Variants in BMAL1 observed in about 807,000 individuals in gnomAD.
BMAL1 encodes basic helix-loop-helix ARNT like 1.
At chr11:13,354,212 C>CCCCCA in the BMAL1 span, 1 of 1,156,830 alleles carries the variant, frequency 8.6e-7, no homozygotes, top group Non-Finnish European at 1.2e-6. Context: ...CCCCCACCAC[C>CCCCCA]AAACCCCCAA....
the BMAL1 span, among the ~76,000 whole-genome samples, chr11:13,287,439 A>G: frequency 1.3e-5 from 2 of 152,198 alleles, no homozygotes; most frequent in African/African-American, 4.8e-5. Context: ...GCCTTCTTGG[A>G]TGCTGGAATA....
the BMAL1 span, among the ~76,000 whole-genome samples, chr11:13,321,946 A>G: frequency 1.2e-4 from 19 of 152,064 alleles, no homozygotes; most frequent in Non-Finnish European, 2.4e-4. Context: ...CTCCAGAACT[A>G]CTAGATTGTG....
At chr11:13,371,330 G>A in the BMAL1 span, among the ~76,000 whole-genome samples, 6 of 151,274 alleles carry the variant, frequency 4.0e-5, no homozygotes, top group African/African-American at 1.2e-4. Flanking sequence ...ACCCAATCCA[G>A]AAAAGTTAGA....
At chr11:13,385,113 G>T in the BMAL1 span, among the ~76,000 whole-genome samples, 1 of 152,166 alleles carries the variant, frequency 6.6e-6, no homozygotes, top group Non-Finnish European at 1.5e-5. Context: ...CCAGGGGAAG[G>T]CAGCTGGGGT....
At chr11:13,323,702 C>T in the BMAL1 span, among the ~76,000 whole-genome samples, 6 of 152,134 alleles carry the variant, frequency 3.9e-5, no homozygotes, top group African/African-American at 4.8e-5. Flanking sequence ...CTGCAACCTC[C>T]GCCTCCCGGG....
At chr11:13,340,287 A>C in the BMAL1 span, among the ~76,000 whole-genome samples, 1 of 152,172 alleles carries the variant, frequency 6.6e-6, no homozygotes, top group Admixed American at 6.5e-5. Context: ...TCCCTGGGGC[A>C]GCCCACCCCT....
At chr11:13,371,426 T>C in the BMAL1 span, among the ~76,000 whole-genome samples, 1 of 152,182 alleles carries the variant, frequency 6.6e-6, no homozygotes, top group Admixed American at 6.5e-5. Context: ...CCTGCTTTCT[T>C]TCTCTGCTCC....
the BMAL1 span, among the ~76,000 whole-genome samples, chr11:13,344,002 A>G: frequency 1.3e-5 from 2 of 152,130 alleles, no homozygotes; most frequent in African/African-American, 4.8e-5. Flanking sequence ...GAATTTGGGT[A>G]CCCAAGGGCC....
the BMAL1 span, among the ~76,000 whole-genome samples, chr11:13,377,675 G>A: frequency 6.6e-6 from 1 of 152,076 alleles, no homozygotes; most frequent in African/African-American, 2.4e-5. Flanking sequence ...TCGTTAGTAC[G>A]GCATCCAAGA....
At chr11:13,331,572 C>G in the BMAL1 span, among the ~76,000 whole-genome samples, 1 of 152,170 alleles carries the variant, frequency 6.6e-6, no homozygotes, top group Non-Finnish European at 1.5e-5. Context: ...GAGTACCCTG[C>G]CCTTTTCTGG....
At chr11:13,292,905 C>T in the BMAL1 span, among the ~76,000 whole-genome samples, 28 of 152,230 alleles carry the variant, frequency 1.8e-4, no homozygotes, top group African/African-American at 6.3e-4. Flanking sequence ...TTCCAGTAGC[C>T]GGAATTTGCA....
At chr11:13,351,025 G>T in the BMAL1 span, among the ~76,000 whole-genome samples, 4 of 152,140 alleles carry the variant, frequency 2.6e-5, no homozygotes, top group Non-Finnish European at 2.9e-5. Context: ...CTGTTCTCCT[G>T]GTACTTAGAC....
At chr11:13,353,598 TC>T in the BMAL1 span, 1 of 152,166 alleles carries the variant, frequency 6.6e-6, no homozygotes. Context: ...CGGGCAGATC[TC>T]TTGAGGTCCA....
chr11:13,324,295 G>T, the BMAL1 span, among the ~76,000 whole-genome samples: 2 of 152,080 alleles, frequency 1.3e-5, no homozygotes, highest in Non-Finnish European at 1.5e-5. Flanking sequence ...TAAACATCTC[G>T]CCTTGGCCTG....
the BMAL1 span, among the ~76,000 whole-genome samples, chr11:13,385,192 C>G: frequency 3.3e-5 from 5 of 152,168 alleles, no homozygotes; most frequent in Non-Finnish European, 5.9e-5. Context: ...AGTAGCCTGT[C>G]TTAACTTAAA....
At chr11:13,316,771 G>A in the BMAL1 span, among the ~76,000 whole-genome samples, 2 of 152,236 alleles carry the variant, frequency 1.3e-5, no homozygotes, top group Non-Finnish European at 2.9e-5. Flanking sequence ...GGGGAAAGTG[G>A]ATGTGGGAGG....
chr11:13,310,987 C>A, the BMAL1 span, among the ~76,000 whole-genome samples: 1 of 152,202 alleles, frequency 6.6e-6, no homozygotes, highest in African/African-American at 2.4e-5. Context: ...GGAGGAGATA[C>A]TGCAAAGGGA....
chr11:13,323,165 CAGA>C, the BMAL1 span, among the ~76,000 whole-genome samples: 3 of 151,934 alleles, frequency 2.0e-5, no homozygotes, highest in East Asian at 5.8e-4. Context: ...AGGGCCCAGG[CAGA>C]AGGAGCACAG....
the BMAL1 span, chr11:13,381,133 A>G: frequency 6.2e-7 from 1 of 1,608,384 alleles, no homozygotes; most frequent in Non-Finnish European, 8.5e-7. Context: ...GAAAAAAGAA[A>G]AGGCAGTGTA....
Sources: gnomAD v4.1 joint callset for allele counts (sites outside exome capture counted in the v4.1 genomes callset) on GRCh38, gnomAD v4.1.1 for gene constraint, MANE v1.5 for transcripts, NCBI Gene and HGNC (gene_info 2026-07-23, HGNC 2026-07-21) for gene names.